KANSL3: variants seen among roughly 807,000 people sequenced by gnomAD.
The protein encoded by KANSL3 is KAT8 regulatory NSL complex subunit 3.
KANSL3 carries 16 observed loss-of-function variants against 89.2 expected under a neutral mutation model. The observed-to-expected ratio is 0.18, with a 90% CI of 0.12 to 0.27. The LOEUF is 0.27. Among genes scored for constraint, KANSL3 ranks in the 10% least tolerant of loss-of-function variants. KANSL3 has a pLI of 1.00. For synonymous variants in KANSL3, 385 were observed against 419.7 expected (o/e 0.92, Z 1.01); for missense variants, 879 against 1,110.6 (o/e 0.79, Z 2.96).
chr2:96,636,622 T>C, intron 2 of KANSL3: 1 of 306,422 alleles, frequency 3.3e-6, no homozygotes, highest in Non-Finnish European at 6.0e-6. Context: ...TTTCAGTCTT[T>C]TTCTTCACCA....
intron 18 of KANSL3, 88 bp from the exon 19 acceptor site, chr2:96,602,426 C>T (rs1232510078): frequency 2.0e-6 from 2 of 984,978 alleles, no homozygotes; most frequent in Non-Finnish European, 3.1e-6. Flanking sequence ...TTATTAAAGG[C>T]TAACATGTAT....
chr2:96,612,645 A>G, intron 7 of KANSL3, 82 bp from the exon 8 acceptor site: 1 of 1,280,590 alleles, frequency 7.8e-7, no homozygotes, highest in South Asian at 1.3e-5. Context: ...TAAACCCAAA[A>G]CCTTGGAATT....
downstream of KANSL3, among the ~76,000 whole-genome samples, chr2:96,591,424 G>A (rs563295963): frequency 2.0e-5 from 3 of 152,234 alleles, no homozygotes; most frequent in Admixed American, 1.3e-4. Flanking sequence ...TGGTTACAGC[G>A]ATAAAATGAC....
intron 6 of KANSL3, 117 bp downstream of exon 6, chr2:96,613,371 A>C: frequency 1.2e-6 from 1 of 852,212 alleles, no homozygotes. Flanking sequence ...ATTCTGTCTC[A>C]AAAAATAATA....
intron 15 of KANSL3, 49 bp from the exon 16 acceptor site, chr2:96,604,912 T>C (rs1390710232): frequency 1.4e-6 from 2 of 1,479,718 alleles, no homozygotes; most frequent in African/African-American, 2.8e-5. Flanking sequence ...ATTTGGCCTC[T>C]ATGTTTCCAG....
rs904079511 is a variant in KANSL3 at position 96,619,446 on chromosome 2, G to A, written c.576C>T (p.Ile192=). 1.9e-6 allele frequency: 3 copies of A among 1,613,976 alleles called. No individual in the cohort carries two copies. Among genetic ancestry groups the A allele is most frequent in the South Asian group, 1.1e-5 (1 of 91,056 alleles). The stretch of plus-strand genomic sequence containing the variant: ...CCACAAGGGTGGTGTGCAGCCACTG[G>A]ATCAGCTTGGTATCCCAGCTCACAC... The part of the protein sequence containing the change: ...LASVSWDTKL[I]QWLHTTLVET... The change falls in exon 5 of 21, where the codon ATC becomes ATT. Residue 192 remains isoleucine (I), a synonymous_variant. Transcript: ENST00000431828.
Position 96,631,306 on chromosome 2 carries a change from G to C in KANSL3, c.386+6C>G. Reference sequence around the variant, plus strand: ...GCAGTGATCATCCTCCTGATGAGCAGCCTACCTGTTGACATGCTCCTCCCA... The same window carrying C: ...GCAGTGATCATCCTCCTGATGAGCACCCTACCTGTTGACATGCTCCTCCCA... On this transcript the variant is annotated splice_donor_region_variant and intron_variant, in intron 3 of 20. Coordinates refer to ENST00000431828, the MANE Select transcript of KANSL3 (RefSeq NM_001115016.3). The C allele has an allele frequency of 6.2e-7, 1 of 1,601,636 alleles. No homozygotes were observed. Among genetic ancestry groups the C allele is most frequent in the Non-Finnish European group, 8.6e-7 (1 of 1,168,876 alleles).
At chr2:96,632,277 G>A (rs2073521947) in intron 2 of KANSL3, among the ~76,000 whole-genome samples, 1 of 152,122 alleles carries the variant, frequency 6.6e-6, no homozygotes, top group Non-Finnish European at 1.5e-5. Flanking sequence ...AGACCAGTTT[G>A]GCAATATGGC....
chr2:96,626,447 T>C (rs2072336766), intron 3 of KANSL3, among the ~76,000 whole-genome samples: 1 of 152,106 alleles, frequency 6.6e-6, no homozygotes, highest in South Asian at 2.1e-4. Context: ...TACAGATACA[T>C]ACAATATTGA....
At chr2:96,607,191 G>A (rs1295652642) in intron 14 of KANSL3, 5 of 410,132 alleles carry the variant, frequency 1.2e-5, no homozygotes, top group Non-Finnish European at 2.3e-5. Flanking sequence ...CTGCCACGGA[G>A]TCAGTCTGTA....
At chr2:96,628,448 G>A (rs1008890090) in intron 3 of KANSL3, 1 of 219,300 alleles carries the variant, frequency 4.6e-6, no homozygotes, top group African/African-American at 2.3e-5. Context: ...CCAGGAGTTT[G>A]AGACCAGCCT....
At chr2:96,608,349 T>C (rs1298385019) in intron 14 of KANSL3, among the ~76,000 whole-genome samples, 159 bp downstream of exon 14, 5 of 152,170 alleles carry the variant, frequency 3.3e-5, no homozygotes, top group Non-Finnish European at 7.3e-5. Context: ...GGCATTCATT[T>C]CAATAATTAA....
At chr2:96,598,963 GT>G (rs1261752392) in intron 20 of KANSL3, among the ~76,000 whole-genome samples, 2 of 144,824 alleles carry the variant, frequency 1.4e-5, no homozygotes, top group Admixed American at 6.9e-5. Flanking sequence ...TTCATTTCAT[GT>G]GATTCTAAAA....
intron 2 of KANSL3, among the ~76,000 whole-genome samples, chr2:96,632,627 A>G (rs1346866948): frequency 6.6e-6 from 1 of 152,172 alleles, no homozygotes; most frequent in Non-Finnish European, 1.5e-5. Context: ...AAATCATGAG[A>G]GCTCGTTTAG....
At chr2:96,611,698 C>A (rs2068982537) in intron 9 of KANSL3, among the ~76,000 whole-genome samples, 1 of 152,120 alleles carries the variant, frequency 6.6e-6, no homozygotes, top group Non-Finnish European at 1.5e-5. Context: ...CTTACACAAA[C>A]TGACAGACAT....
chr2:96,600,782 T>C (rs758691841), intron 20 of KANSL3: 36 of 985,294 alleles, frequency 3.7e-5, no homozygotes, highest in Non-Finnish European at 4.3e-5. Context: ...GAGAAACTAA[T>C]CATGACTTCC....
chr2:96,618,004 T>G (rs2070516538), intron 5 of KANSL3, among the ~76,000 whole-genome samples: 2 of 150,560 alleles, frequency 1.3e-5, no homozygotes, highest in African/African-American at 4.9e-5. Context: ...AAAAAAAAAT[T>G]TCTTTGCTGG....
intron 3 of KANSL3, among the ~76,000 whole-genome samples, chr2:96,629,723 C>G (rs1466915793): frequency 1.3e-5 from 2 of 152,196 alleles, no homozygotes; most frequent in Non-Finnish European, 2.9e-5. Context: ...CTGTTTTGAT[C>G]ACACAAGCAC....
chr2:96,585,674 A>T, the KANSL3 span, among the ~76,000 whole-genome samples: 1 of 152,330 alleles, frequency 6.6e-6, no homozygotes, highest in Admixed American at 6.5e-5. Flanking sequence ...CATCTACAGC[A>T]ATACAATTTG....
Sources: gnomAD v4.1 joint callset for allele counts (sites outside exome capture counted in the v4.1 genomes callset) on GRCh38, gnomAD v4.1.1 for gene constraint, MANE v1.5 for transcripts, NCBI Gene and HGNC (gene_info 2026-07-23, HGNC 2026-07-21) for gene names.